DOCK8: variants seen among roughly 807,000 people sequenced by gnomAD.
The protein encoded by DOCK8 is dedicator of cytokinesis protein 8.
A neutral mutation model predicts 245.6 loss-of-function variants in DOCK8; 141 were observed. The observed-to-expected ratio is 0.57, with a 90% CI of 0.50 to 0.66. The LOEUF (loss-of-function observed/expected upper bound fraction) is 0.66, where lower values mean the gene tolerates loss of function less well. Among genes scored for constraint, DOCK8 ranks in the 30% least tolerant of loss-of-function variants. DOCK8 has a pLI of 0.00. For synonymous variants in DOCK8, 1,168 were observed against 970.2 expected (o/e 1.20, Z -3.79); for missense variants, 2,965 against 2,603.4 (o/e 1.14, Z -3.02).
rs138006710 is a variant in DOCK8, at chr9:293,214, T to C, written c.404+3633T>C. ...AAAGTTGCATCTCTTTCTATCCCTCTGCCTCATTCTCTTGCACTCTGAATC... is the reference window on the plus strand; with the variant it reads ...AAAGTTGCATCTCTTTCTATCCCTCCGCCTCATTCTCTTGCACTCTGAATC... On this transcript the variant is annotated intron_variant, in intron 4 of 47. Transcript: ENST00000432829. Among the ~76,000 whole-genome samples, 54 of 152,284 alleles carry C rather than the reference T, an allele frequency of 3.5e-4. 1 individual carries two copies. The East Asian group carries it at 0.01, about 29-fold the overall frequency.
chr9:419,692 G>T (rs2056193709), intron 30 of DOCK8, among the ~76,000 whole-genome samples: 1 of 152,182 alleles, frequency 6.6e-6, no homozygotes, highest in Admixed American at 6.5e-5. Flanking sequence ...AACCAAGGGT[G>T]CAGCCTCATT....
chr9:242,785 G>C (rs1036174369), intron 1 of DOCK8, among the ~76,000 whole-genome samples: 2 of 150,276 alleles, frequency 1.3e-5, no homozygotes, highest in African/African-American at 4.9e-5. Flanking sequence ...TTTCATCCTG[G>C]CCTTCCACGG....
intron 41 of DOCK8, 76 bp from the exon 42 acceptor site, chr9:441,799 G>C (rs770863838): frequency 2.0e-5 from 32 of 1,578,004 alleles, no homozygotes; most frequent in African/African-American, 4.1e-5. Context: ...CACAATGAGA[G>C]ACCCCTGCCC....
intron 24 of DOCK8, among the ~76,000 whole-genome samples, chr9:396,160 A>G (rs773386369): frequency 2.0e-5 from 3 of 152,198 alleles, no homozygotes; most frequent in South Asian, 2.1e-4. Flanking sequence ...CCTGGAGGCA[A>G]TGTTCTAAAT....
chr9:393,843 A>G (rs1295610836), intron 24 of DOCK8, among the ~76,000 whole-genome samples: 1 of 152,172 alleles, frequency 6.6e-6, no homozygotes, highest in African/African-American at 2.4e-5. Flanking sequence ...TTAACTGAAA[A>G]GCATTGATCA....
intron 14 of DOCK8, among the ~76,000 whole-genome samples, chr9:347,505 A>G (rs1176818994): frequency 1.3e-5 from 2 of 152,166 alleles, no homozygotes; most frequent in African/African-American, 4.8e-5. Context: ...GACTCTTTCA[A>G]AAAACAAAAA....
intron 1 of DOCK8, among the ~76,000 whole-genome samples, chr9:223,885 T>G (rs2046934827): frequency 1.3e-5 from 2 of 152,116 alleles, no homozygotes; most frequent in Non-Finnish European, 2.9e-5. Context: ...AAGGTGTACT[T>G]CTGGGGTGTG....
chr9:430,102 C>G (rs1465000004), intron 36 of DOCK8, among the ~76,000 whole-genome samples: 2 of 152,154 alleles, frequency 1.3e-5, no homozygotes, highest in East Asian at 1.9e-4. Context: ...GGGCCAGGAA[C>G]GATGGCTTTC....
intron 5 of DOCK8, 122 bp from the exon 6 acceptor site, chr9:311,832 C>T (rs1231318691): frequency 1.6e-5 from 19 of 1,222,430 alleles, no homozygotes; most frequent in Non-Finnish European, 2.3e-5. Flanking sequence ...CTTCAGAAGA[C>T]TTGAGGCCTG....
intron 28 of DOCK8, among the ~76,000 whole-genome samples, chr9:413,109 A>G (rs2055822565): frequency 6.6e-6 from 1 of 152,190 alleles, no homozygotes; most frequent in Non-Finnish European, 1.5e-5. Flanking sequence ...AAATCTTCAT[A>G]TTTATAGTCA....
chr9:370,364 A>G, intron 16 of DOCK8, 64 bp downstream of exon 16: 8 of 1,488,010 alleles, frequency 5.4e-6, no homozygotes, highest in Middle Eastern at 1.7e-4. Context: ...GGTTTTTCCA[A>G]GTCCCGTGGG....
Position 432,303 on chromosome 9 carries a change from G to C in DOCK8, c.4764G>C (p.Gln1588His), listed in dbSNP as rs1587021797. The change falls in exon 37 of 48, where the codon CAG (glutamine) becomes CAC (histidine). Residue 1588 changes from glutamine (Q) to histidine (H), a missense_variant. By Grantham distance (24) the Gln-to-His change is conservative. Coordinates refer to ENST00000432829, the MANE Select transcript of DOCK8 (RefSeq NM_203447.4). ...LAYSEEDTAMQMTPFPTQVEE... is the reference protein window; with the variant it reads ...LAYSEEDTAMHMTPFPTQVEE... ...ATTCAGAAGAGGACACAGCCATGCA[G>C]ATGACTCCTTTTCCCACCCAGGTAC... The C allele has an allele frequency of 6.2e-7, 1 of 1,614,116 alleles. No individual in the cohort carries two copies. Among genetic ancestry groups the C allele is most frequent in the Non-Finnish European group, 8.5e-7 (1 of 1,180,020 alleles).
chr9:374,864 G>A (rs1464240972), intron 18 of DOCK8, among the ~76,000 whole-genome samples: 1 of 151,906 alleles, frequency 6.6e-6, no homozygotes, highest in African/African-American at 2.4e-5. Flanking sequence ...ATCACAGATG[G>A]CAAACTCAAG....
At chr9:354,171 A>G (rs973048190) in intron 14 of DOCK8, among the ~76,000 whole-genome samples, 7 of 152,090 alleles carry the variant, frequency 4.6e-5, no homozygotes, top group Admixed American at 1.3e-4. Context: ...GTCTTTACTA[A>G]AAATACTAAA....
chr9:293,531 TGAA>T (rs1012072627), intron 4 of DOCK8, among the ~76,000 whole-genome samples: 2 of 152,254 alleles, frequency 1.3e-5, no homozygotes, highest in African/African-American at 4.8e-5. Flanking sequence ...GCCACTATTA[TGAA>T]GAAGGAGACT....
rs543065871 is a variant in DOCK8, at chr9:425,284, G to C, written c.4242-1601G>C. Among the ~76,000 whole-genome samples, 4 of 152,226 alleles carry C rather than the reference G, an allele frequency of 2.6e-5. No homozygotes were observed. The East Asian group carries it at 5.8e-4, about 22-fold the overall frequency. On this transcript the variant is annotated intron_variant, in intron 33 of 47. Transcript: ENST00000432829. The stretch of plus-strand genomic sequence containing the variant: ...ACAGTGGCTCACACCTGTAATCCCA[G>C]CACTTTGGGAGGCCGAGGTAAGTGG...
chr9:385,518 C>A (rs892475579), intron 22 of DOCK8, among the ~76,000 whole-genome samples: 5 of 152,134 alleles, frequency 3.3e-5, no homozygotes, highest in African/African-American at 9.7e-5. Flanking sequence ...TAAGTTCTTC[C>A]TTCTTTACGT....
chr9:236,051 T>G (rs574067568), intron 1 of DOCK8, among the ~76,000 whole-genome samples: 1 of 152,256 alleles, frequency 6.6e-6, no homozygotes, highest in Admixed American at 6.5e-5. Context: ...GCTCCTCCCC[T>G]TATTTATTTT....
intron 1 of DOCK8, chr9:215,290 CG>C (rs2046720771): frequency 3.7e-6 from 6 of 1,608,672 alleles, no homozygotes; most frequent in Non-Finnish European, 5.1e-6. Context: ...ATCCCTTCCC[CG>C]AACAACCTCG....
Sources: gnomAD v4.1 joint callset for allele counts (sites outside exome capture counted in the v4.1 genomes callset) on GRCh38, gnomAD v4.1.1 for gene constraint, MANE v1.5 for transcripts, NCBI Gene and HGNC (gene_info 2026-07-23, HGNC 2026-07-21) for gene names.